The following NTRK2 variants were observed in gnomAD, a reference collection of about 807,000 sequenced individuals.
NTRK2 encodes the protein BDNF/NT-3 growth factors receptor.
Under a neutral mutation model 94.5 loss-of-function variants are expected in NTRK2, and 13 were observed. The observed-to-expected ratio is 0.14, with a 90% CI of 0.09 to 0.22. The LOEUF (loss-of-function observed/expected upper bound fraction) is 0.22, where lower values mean the gene tolerates loss of function less well. Among genes scored for constraint, NTRK2 ranks in the 10% least tolerant of loss-of-function variants. The pLI is 1.00. For missense variants in NTRK2, 639 were observed against 1,071.2 expected, an observed-to-expected ratio of 0.60 and a Z score of 5.63; for synonymous variants, 372 against 407.4, an observed-to-expected ratio of 0.91 and a Z score of 1.05.
chr9:84,991,810 C>A (rs1829108887), intron 17 of NTRK2, among the ~76,000 whole-genome samples: 1 of 152,138 alleles, frequency 6.6e-6, no homozygotes, highest in African/African-American at 2.4e-5. Flanking sequence ...ACAGCCAGGG[C>A]TCTTTAGATC....
chr9:84,972,869 CA>C (rs1826349134), intron 17 of NTRK2, among the ~76,000 whole-genome samples: 1 of 152,096 alleles, frequency 6.6e-6, no homozygotes, highest in Non-Finnish European at 1.5e-5. Context: ...CCCAAAAACC[CA>C]TATGAGCAGA....
chr9:84,813,199 A>G, intron 12 of NTRK2: 2 of 1,049,368 alleles, frequency 1.9e-6, no homozygotes, highest in Non-Finnish European at 1.2e-6. Context: ...TCCTAAATGA[A>G]CAGAATGATC....
intron 9 of NTRK2, among the ~76,000 whole-genome samples, chr9:84,739,336 T>C (rs1178530937): frequency 6.6e-6 from 1 of 152,164 alleles, no homozygotes; most frequent in Admixed American, 6.5e-5. Flanking sequence ...CAGGTGTGAG[T>C]CACCACCCCC....
At chr9:84,794,908 G>A (rs2069125576) in intron 12 of NTRK2, among the ~76,000 whole-genome samples, 1 of 152,134 alleles carries the variant, frequency 6.6e-6, no homozygotes, top group Admixed American at 6.5e-5. Context: ...ATGGTAGACA[G>A]AAGCACAATC....
intron 2 of NTRK2, among the ~76,000 whole-genome samples, chr9:84,676,378 C>T (rs2059054707): frequency 6.6e-6 from 1 of 152,212 alleles, no homozygotes; most frequent in Admixed American, 6.5e-5. Flanking sequence ...GAAATGTTTT[C>T]AGTGTCTGCT....
chr9:84,697,037 G>T (rs892110186), intron 2 of NTRK2, among the ~76,000 whole-genome samples: 1 of 152,202 alleles, frequency 6.6e-6, no homozygotes, highest in Non-Finnish European at 1.5e-5. Flanking sequence ...ATTCCTGGCA[G>T]ATTATTAATA....
chr9:84,724,131 A>G (rs1248750708), intron 7 of NTRK2, 93 bp from the exon 8 acceptor site: 2 of 1,308,480 alleles, frequency 1.5e-6, no homozygotes, highest in Non-Finnish European at 2.2e-6. Context: ...CTATATATAC[A>G]TATTTTCTCT....
chr9:84,862,784 AGT>A (rs1326071508), intron 13 of NTRK2, among the ~76,000 whole-genome samples: 1 of 152,218 alleles, frequency 6.6e-6, no homozygotes, highest in East Asian at 1.9e-4. Flanking sequence ...AGGAGCTTTT[AGT>A]GTGTTTCCAG....
At chr9:84,977,564 A>G (rs1046751324) in intron 17 of NTRK2, among the ~76,000 whole-genome samples, 1 of 152,206 alleles carries the variant, frequency 6.6e-6, no homozygotes, top group Admixed American at 6.5e-5. Context: ...AAGAACCTTG[A>G]GTGTTGGTTT....
intron 17 of NTRK2, among the ~76,000 whole-genome samples, chr9:85,006,202 A>G: frequency 6.6e-6 from 1 of 152,232 alleles, no homozygotes; most frequent in East Asian, 1.9e-4. Flanking sequence ...TGTAATGCAA[A>G]TAGTCCATTG....
At chr9:84,934,040 C>T in intron 14 of NTRK2, 122 bp from the exon 15 acceptor site, 1 of 1,069,734 alleles carries the variant, frequency 9.3e-7, no homozygotes, top group South Asian at 1.3e-5. Flanking sequence ...TTCTTCGGTT[C>T]ACTGTGCACA....
intron 14 of NTRK2, among the ~76,000 whole-genome samples, chr9:84,932,052 A>G (rs897437465): frequency 1.3e-5 from 2 of 152,220 alleles, no homozygotes; most frequent in Non-Finnish European, 2.9e-5. Flanking sequence ...TCACAAAAGC[A>G]TTCATAGCTC....
intron 14 of NTRK2, chr9:84,871,776 T>C: frequency 1.2e-6 from 2 of 1,613,140 alleles, no homozygotes; most frequent in Non-Finnish European, 1.7e-6. Flanking sequence ...CAAGTCTGTC[T>C]ACTTTATTGC....
At chr9:84,834,854 A>G (rs899871695) in intron 12 of NTRK2, among the ~76,000 whole-genome samples, 2 of 152,192 alleles carry the variant, frequency 1.3e-5, no homozygotes, top group Non-Finnish European at 2.9e-5. Context: ...TGAAATTCTT[A>G]ATATTTTATA....
In NTRK2 at chr9:84,868,150, A is replaced by T. The variant is rs1322160449; in HGVS notation, c.1633+719A>T. ...CAAAAAATAAACCCACAGTGGACAA[A>T]CAGGCTTATGGCATTGCTTCCAGGC... On this transcript the variant is annotated intron_variant, in intron 14 of 18. Transcript: ENST00000277120. Among the ~76,000 whole-genome samples, 5 of 152,212 alleles carry T rather than the reference A, an allele frequency of 3.3e-5. No individual in the cohort carries two copies. The South Asian group carries it at 8.3e-4, about 25-fold the overall frequency.
In NTRK2 at chr9:84,670,952, C is replaced by T; in HGVS notation, c.204C>T (p.Ile68=). The change falls in exon 2 of 19, where the codon ATC becomes ATT. Residue 68 remains isoleucine, a synonymous_variant. Coordinates refer to ENST00000277120, the MANE Select transcript of NTRK2 (RefSeq NM_006180.6). The stretch of plus-strand genomic sequence containing the variant: ...CTAACAGTGTAGATCCTGAGAACAT[C>T]ACCGAAATGTGAGTTCCTGGAGCTT... ...LEPNSVDPEN[I]TEIFIANQKR... 6.2e-7 allele frequency: 1 copy of T among 1,603,942 alleles called. No homozygotes were observed.
At chr9:84,787,860 C>G (rs930487261) in intron 12 of NTRK2, among the ~76,000 whole-genome samples, 4 of 152,108 alleles carry the variant, frequency 2.6e-5, no homozygotes, top group African/African-American at 9.7e-5. Flanking sequence ...CAGTGAAGAG[C>G]AGGACTATGG....
At chr9:84,931,667 T>G (rs566501944) in intron 14 of NTRK2, among the ~76,000 whole-genome samples, 50 of 150,882 alleles carry the variant, frequency 3.3e-4, no homozygotes, top group African/African-American at 1.1e-3. Context: ...TTCCACCAAA[T>G]TTTTCTCCTG....
At chr9:84,678,858 C>T (rs185220341) in intron 2 of NTRK2, among the ~76,000 whole-genome samples, 1 of 152,338 alleles carries the variant, frequency 6.6e-6, no homozygotes, top group African/African-American at 2.4e-5. Context: ...GATGATATTG[C>T]TCCTTGGTTA....
Sources: allele counts gnomAD v4.1 joint callset (sites outside exome capture counted in the v4.1 genomes callset), GRCh38; gene constraint gnomAD v4.1.1; transcripts MANE v1.5; gene names NCBI Gene and HGNC (gene_info 2026-07-23, HGNC 2026-07-21).